The following TAF1 variants were observed in gnomAD, a reference collection of about 807,000 sequenced individuals.
TAF1 encodes TATA-box binding protein associated factor 1, also known as transcription initiation factor TFIID subunit 1.
TAF1 carries 2 observed loss-of-function variants against 138.5 expected under a neutral mutation model. That is an observed-to-expected ratio of 0.01 (90% confidence interval 0.01 to 0.05). TAF1 has a LOEUF of 0.05. Ranked by LOEUF, TAF1 falls within the 10% of genes least tolerant of loss-of-function variation. The pLI is 1.00. For synonymous variants in TAF1, 437 were observed against 503.2 expected (o/e 0.87, Z 1.76); for missense variants, 709 against 1,478.0 (o/e 0.48, Z 8.53).
rs1229066860 is a variant in TAF1 at position 71,442,068 on chromosome X, C to T, written c.4754-12102C>T. Among the ~76,000 whole-genome samples, 91 of 111,524 alleles carry T rather than the reference C, an allele frequency of 8.2e-4. 1 individual carries two copies. The highest frequency in any genetic ancestry group is 2.6e-3 in the African/African-American group (80 of 30,704). On this transcript the variant is annotated intron_variant, in intron 32 of 37. Coordinates refer to ENST00000423759, the MANE Select transcript of TAF1 (RefSeq NM_004606.5). ...ACATTTTCTTAATCCAGTCTATCAT[C>T]GATGGACATTTGGGTTGGTTCCAAG...
At chrX:71,484,483 C>T (rs1167612163) in intron 13 of TAF1, among the ~76,000 whole-genome samples, 1 of 110,201 alleles carries the variant, frequency 9.1e-6, no homozygotes, top group Non-Finnish European at 1.9e-5. Flanking sequence ...CAAGTGCCTG[C>T]CACCACACCC....
intron 28 of TAF1, among the ~76,000 whole-genome samples, chrX:71,414,592 AG>A (rs2035949936): frequency 2.4e-5 from 2 of 83,199 alleles, no homozygotes; most frequent in Non-Finnish European, 4.4e-5. Flanking sequence ...GAAGGTTTCC[AG>A]GGTTGAATCA....
rs1456858157 is a variant in TAF1, at chrX:71,367,481, G to C, written c.121-18G>C. 8.3e-7 allele frequency: 1 copy of C among 1,209,187 alleles called. No individual in the cohort carries two copies. The highest frequency in any genetic ancestry group is 1.8e-5 in the South Asian group (1 of 56,780). ...TAGGTTTAGTTGTTATCTTCGACTC[G>C]TGCTGTCCCTTTTTCAGGAATGTAA... On this transcript the variant is annotated intron_variant, in intron 1 of 37. Coordinates refer to ENST00000423759, the MANE Select transcript of TAF1 (RefSeq NM_004606.5).
At chrX:71,515,028 G>A (rs1242564447) in intron 13 of TAF1, among the ~76,000 whole-genome samples, 1 of 111,819 alleles carries the variant, frequency 8.9e-6, no homozygotes, top group Non-Finnish European at 1.9e-5. Flanking sequence ...ATGATGCAGA[G>A]CCACTGAGGG....
At chrX:71,402,663 C>T (rs1002175544) in intron 25 of TAF1, among the ~76,000 whole-genome samples, 2 of 112,008 alleles carry the variant, frequency 1.8e-5, no homozygotes, top group Non-Finnish European at 3.8e-5. Context: ...AAGTTCTTTC[C>T]CCTAACTTTT....
rs780075230 is a variant in TAF1 at position 71,368,197 on chromosome X, C to A, written c.352+27C>A. 1.0e-5 allele frequency: 12 copies of A among 1,177,725 alleles called. No individual in the cohort carries two copies. The African/African-American group carries it at 1.9e-4, about 19-fold the overall frequency. On this transcript the variant is annotated intron_variant, in intron 3 of 37. Coordinates refer to ENST00000423759, the MANE Select transcript of TAF1 (RefSeq NM_004606.5). ...TGATTCTTTGGTGTATTGGCTTGAACATTCCAGTGCATTATCCTGCTGTAT... is the reference window on the plus strand; with the variant it reads ...TGATTCTTTGGTGTATTGGCTTGAAAATTCCAGTGCATTATCCTGCTGTAT...
intron 13 of TAF1, among the ~76,000 whole-genome samples, chrX:71,481,226 C>T (rs1194175105): frequency 9.0e-6 from 1 of 111,661 alleles, no homozygotes; most frequent in African/African-American, 3.3e-5. Flanking sequence ...TTGCAGTGAG[C>T]CGAGATCGTG....
exon 15 of TAF1, chrX:71,529,939 A>T (rs908169749): frequency 1.3e-5 from 3 of 236,391 alleles, no homozygotes; most frequent in Non-Finnish European, 2.4e-5. Context: ...CTCATCTGGC[A>T]GAACTCCCAT....
intron 32 of TAF1, among the ~76,000 whole-genome samples, chrX:71,426,473 T>G (rs1161925212): frequency 9.0e-6 from 1 of 111,152 alleles, no homozygotes; most frequent in Non-Finnish European, 1.9e-5. Context: ...CCCAGCGCTT[T>G]GGGAGGCCGA....
At chrX:71,490,720 C>T (rs921238169) in intron 13 of TAF1, among the ~76,000 whole-genome samples, 14 of 107,565 alleles carry the variant, frequency 1.3e-4, no homozygotes, top group Non-Finnish European at 2.5e-4. Context: ...CTACAACGAA[C>T]TTCATTTTCT....
At chrX:71,485,792 AG>A (rs758763947) in intron 13 of TAF1, among the ~76,000 whole-genome samples, 10 of 110,711 alleles carry the variant, frequency 9.0e-5, no homozygotes, top group African/African-American at 3.3e-4. Flanking sequence ...TCAATCCTAT[AG>A]GTTGCCTTTT....
chrX:71,430,582 TA>T (rs1478312708), intron 32 of TAF1, among the ~76,000 whole-genome samples: 8 of 111,341 alleles, frequency 7.2e-5, no homozygotes, highest in Non-Finnish European at 1.1e-4. Flanking sequence ...GGACAGGTAA[TA>T]TAAATGAGTG....
intron 34 of TAF1, 42 bp from the exon 35 acceptor site, chrX:71,458,199 C>G (rs1364288797): frequency 8.4e-7 from 1 of 1,193,335 alleles, no homozygotes; most frequent in East Asian, 3.0e-5. Context: ...ATTTATTTTC[C>G]CTTTCCTAGA....
intron 13 of TAF1, among the ~76,000 whole-genome samples, chrX:71,527,386 CA>C (rs397952861): frequency 0.015 from 635 of 43,448 alleles, 9 homozygotes; most frequent in African/African-American, 0.043. Flanking sequence ...AACTCCGTCT[CA>C]AAAAAAAAAA....
chrX:71,406,917 T>G (rs928057020), intron 26 of TAF1, among the ~76,000 whole-genome samples, 171 bp downstream of exon 26: 2 of 96,543 alleles, frequency 2.1e-5, no homozygotes, highest in African/African-American at 8.0e-5. Context: ...AGAAAGTGGA[T>G]TTTTTTTTTT....
chrX:71,439,131 A>G (rs1339632928), intron 32 of TAF1, among the ~76,000 whole-genome samples: 3 of 111,565 alleles, frequency 2.7e-5, no homozygotes, highest in Admixed American at 9.5e-5. Flanking sequence ...GGATGTCTCA[A>G]TGGAACTTAA....
At position 71,407,049 on chromosome X, in the gene TAF1, G is replaced by T. The variant is rs768516706; in HGVS notation, c.4107+303G>T. On this transcript the variant is annotated intron_variant, in intron 26 of 37. Coordinates refer to ENST00000423759, the MANE Select transcript of TAF1 (RefSeq NM_004606.5). ...TCCTGCCCCAGCCTCCCAAGTAGCT[G>T]GGATTACAGGTGCACACCACCACAC... Among the ~76,000 whole-genome samples, 15 of 105,183 alleles carry T rather than the reference G, an allele frequency of 1.4e-4. 1 individual carries two copies. In the South Asian group the frequency reaches 6.5e-3, roughly 45 times the overall value. 91.3% of individuals were successfully genotyped at this position (105,183 alleles called of 115,157 possible).
At chrX:71,402,192 C>CT (rs1484814959) in intron 25 of TAF1, among the ~76,000 whole-genome samples, 1 of 112,116 alleles carries the variant, frequency 8.9e-6, no homozygotes, top group African/African-American at 3.2e-5. Flanking sequence ...ACTGCCACCT[C>CT]TGCCTCCTGG....
In TAF1 at chrX:71,503,359, TATAC is replaced by T. The variant is rs1159927110; in HGVS notation, c.1367-25181_1367-25178del. 1.0e-3 allele frequency among the ~76,000 whole-genome samples: 104 copies of T among 101,319 alleles called. 2 individuals carry two copies. The highest frequency in any genetic ancestry group is 3.7e-3 in the African/African-American group (100 of 27,365). 88.0% of individuals were successfully genotyped at this position (101,319 alleles called of 115,157 possible). A position where few individuals can be genotyped will look rare whatever the true frequency, so the allele number is the denominator to read the frequency against. On this transcript the variant is annotated intron_variant and NMD_transcript_variant, in intron 13 of 14. Coordinates refer to the TAF1 transcript ENST00000373775. The stretch of plus-strand genomic sequence containing the variant: ...ATATATATATGTGTATATATATATA[TATAC>T]ACACACATTTACTTATAGAATATAT...
Sources: allele counts gnomAD v4.1 joint callset (sites outside exome capture counted in the v4.1 genomes callset), GRCh38; gene constraint gnomAD v4.1.1; transcripts MANE v1.5; gene names NCBI Gene and HGNC (gene_info 2026-07-23, HGNC 2026-07-21).